Variants in FLRT1 observed in about 807,000 individuals in gnomAD.
FLRT1 encodes the protein leucine-rich repeat transmembrane protein FLRT1.
In FLRT1, 14 loss-of-function variants were observed where a neutral mutation model predicts 30.9. That is an observed-to-expected ratio of 0.45 (90% CI 0.30 to 0.71). The LOEUF (loss-of-function observed/expected upper bound fraction) is 0.71. Ranked by LOEUF, FLRT1 falls within the 30% of genes least tolerant of loss-of-function variation. The pLI is 0.08. For synonymous variants in FLRT1, 368 were observed against 430.4 expected (o/e 0.85, Z 1.80); for missense variants, 737 against 949.2 (o/e 0.78, Z 2.94).
chr11:64,089,956 G>A (rs571440424), intron 1 of FLRT1, among the ~76,000 whole-genome samples: 18 of 152,332 alleles, frequency 1.2e-4, no homozygotes, highest in South Asian at 4.1e-4. Context: ...TGTAAAGTGA[G>A]AGGATTGGAT....
Position 64,118,121 on chromosome 11 carries a change from G to A in FLRT1, c.1854G>A (p.Gly618=), listed in dbSNP as rs375250892. Residue 618 remains glycine, a synonymous_variant, in exon 3 of 3, where the codon GGG becomes GGA. Coordinates refer to ENST00000682287, the MANE Select transcript of FLRT1 (RefSeq NM_013280.5). ...DNSILEIRGP[G]LQMLPINPYR... ...CCATCCTGGAAATCCGCGGCCCTGGGCTGCAGATGCTGCCCATCAACCCGT... is the reference window on the plus strand; with the variant it reads ...CCATCCTGGAAATCCGCGGCCCTGGACTGCAGATGCTGCCCATCAACCCGT... 10 of 1,613,096 alleles carry A rather than the reference G, an allele frequency of 6.2e-6. No individual in the cohort carries two copies. Among genetic ancestry groups the A allele is most frequent in the Non-Finnish European group, 7.6e-6 (9 of 1,179,482 alleles).
chr11:64,045,933 C>T (rs549501118), intron 1 of FLRT1, among the ~76,000 whole-genome samples: 5 of 152,172 alleles, frequency 3.3e-5, no homozygotes, highest in Non-Finnish European at 7.3e-5. Context: ...AAAACAATAA[C>T]AGCAGTGACA....
chr11:64,118,110 C>T lies in FLRT1; in HGVS notation c.1843C>T (p.Arg615Cys), dbSNP rs61735088. The T allele has an allele frequency of 1.3e-3, 2,126 of 1,611,600 alleles. 1 individual carries two copies. Among genetic ancestry groups the T allele is most frequent in the Non-Finnish European group, 1.5e-3 (1,748 of 1,178,206 alleles). Reference protein sequence around the residue: ...TKKDNSILEIRGPGLQMLPIN... With the variant: ...TKKDNSILEICGPGLQMLPIN... ...GAAGGATAACTCCATCCTGGAAATC[C>T]GCGGCCCTGGGCTGCAGATGCTGCC... Residue 615 changes from arginine (R) to cysteine (C), a missense_variant, in exon 3 of 3, where the codon CGC (arginine) becomes TGC (cysteine). Physicochemically the swap from Arg to Cys is radical, Grantham distance 180. Transcript: ENST00000682287.
intron 1 of FLRT1, among the ~76,000 whole-genome samples, chr11:64,087,756 C>T (rs754297963): frequency 9.9e-5 from 15 of 152,258 alleles, no homozygotes; most frequent in Non-Finnish European, 1.6e-4. Context: ...GTACACAGAG[C>T]ACGCTGTGCA....
At chr11:64,072,437 T>A (rs77341066) in intron 1 of FLRT1, among the ~76,000 whole-genome samples, 10,818 of 150,978 alleles carry the variant, frequency 0.072, 456 homozygotes, top group South Asian at 0.19. Flanking sequence ...AAAAAAAAAA[T>A]AATAATTACA....
At position 64,078,061 on chromosome 11, in the gene FLRT1, G is replaced by A. The variant is rs542858360; in HGVS notation, c.-1037-25133G>A. 3.4e-4 allele frequency among the ~76,000 whole-genome samples: 52 copies of A among 152,304 alleles called. 1 individual carries two copies. Among genetic ancestry groups the A allele is most frequent in the African/African-American group, 1.1e-3 (45 of 41,574 alleles). ...GGGCACAGGGAGGTACAGCAGCTCT[G>A]GGAATGGCCTTCCCTTTCACAGTCA... On this transcript the variant is annotated intron_variant, in intron 1 of 2. Coordinates refer to ENST00000682287, the MANE Select transcript of FLRT1 (RefSeq NM_013280.5).
chr11:64,116,595 G>T lies in FLRT1; in HGVS notation c.328G>T (p.Val110Phe), dbSNP rs1331251210. 6.2e-7 allele frequency: 1 copy of T among 1,614,188 alleles called. No individual in the cohort carries two copies. The highest frequency in any genetic ancestry group is 2.2e-5 in the East Asian group (1 of 44,882). Residue 110 changes from valine (V) to phenylalanine (F), a missense_variant, in exon 3 of 3, where the codon GTC (valine) becomes TTC (phenylalanine). Coordinates refer to ENST00000682287, the MANE Select transcript of FLRT1 (RefSeq NM_013280.5). ...QDLKTKVNVQ[V>F]IYLYENDLDE... Reference sequence around the variant, plus strand: ...CCTCAAGACCAAGGTCAACGTGCAGGTCATCTACCTATACGAGAATGACCT... The same window carrying T: ...CCTCAAGACCAAGGTCAACGTGCAGTTCATCTACCTATACGAGAATGACCT...
chr11:64,044,478 G>A (rs368306947), intron 1 of FLRT1, among the ~76,000 whole-genome samples: 1 of 152,038 alleles, frequency 6.6e-6, no homozygotes, highest in Non-Finnish European at 1.5e-5. Context: ...TGAACTCCTG[G>A]CCTCAAGCGA....
In FLRT1 at chr11:64,104,061, G is replaced by T. The variant is rs687581; in HGVS notation, c.-170G>T. The T allele has an allele frequency of 0.49, 75,167 of 152,268 alleles. 20,342 individuals are homozygous for T. The highest frequency in any genetic ancestry group is 0.6 in the Non-Finnish European group (41,014 of 67,994). 9.4% of individuals were successfully genotyped at this position (152,268 alleles called of 1,614,324 possible). ...AGGCCTGGTAGGACCACGGGGCAGG[G>T]AATGTGAGCGCCATCTGAGCTCACG... On this transcript the variant is annotated 5_prime_UTR_variant, in exon 2 of 3. Transcript: ENST00000682287.
intron 1 of FLRT1, among the ~76,000 whole-genome samples, chr11:64,078,127 A>T (rs1473766698): frequency 6.6e-6 from 1 of 151,750 alleles, no homozygotes; most frequent in Non-Finnish European, 1.5e-5. Flanking sequence ...TGCAGGCAGC[A>T]CTCCTTTCCT....
chr11:64,040,974 G>A (rs1449015926), intron 1 of FLRT1, among the ~76,000 whole-genome samples: 1 of 152,032 alleles, frequency 6.6e-6, no homozygotes, highest in African/African-American at 2.4e-5. Flanking sequence ...GGCAGACGGG[G>A]TCTATTGTCT....
At chr11:64,043,878 C>G (rs1026785107) in intron 1 of FLRT1, among the ~76,000 whole-genome samples, 3 of 150,190 alleles carry the variant, frequency 2.0e-5, no homozygotes, top group South Asian at 2.1e-4. Context: ...ATGGTGCAAT[C>G]TGGGCTCACA....
chr11:64,047,552 C>T (rs542265831), intron 1 of FLRT1, among the ~76,000 whole-genome samples: 1 of 152,206 alleles, frequency 6.6e-6, no homozygotes, highest in East Asian at 1.9e-4. Context: ...TTTACAGTGG[C>T]CCAGATGTAC....
chr11:64,049,802 G>A (rs1414249072), intron 1 of FLRT1, among the ~76,000 whole-genome samples: 1 of 152,190 alleles, frequency 6.6e-6, no homozygotes, highest in Admixed American at 6.5e-5. Flanking sequence ...CACAAGTGAA[G>A]TCGTCTCTGC....
Position 64,090,141 on chromosome 11 carries a change from G to A in FLRT1, c.-1037-13053G>A, listed in dbSNP as rs1310500449. Among the ~76,000 whole-genome samples the A allele has an allele frequency of 6.6e-6, 1 of 152,158 alleles. No individual in the cohort carries two copies. Among genetic ancestry groups the A allele is most frequent in the East Asian group, 1.9e-4 (1 of 5,194 alleles). ...TATGCACCCTCTCCCCACGGGGCTA[G>A]GGACTCATCTCTGCCTGTCTTCCCA... On this transcript the variant is annotated intron_variant, in intron 1 of 2. Transcript: ENST00000682287. This position sits in a 1 kb window ranked among gnomAD's most constrained non-coding sequence, Gnocchi z 4.7.
chr11:64,086,388 G>C (rs943187314), intron 1 of FLRT1, among the ~76,000 whole-genome samples: 1 of 151,934 alleles, frequency 6.6e-6, no homozygotes, highest in Admixed American at 6.6e-5. Flanking sequence ...GACTACCCCC[G>C]AGCTCAGAGG....
intron 1 of FLRT1, among the ~76,000 whole-genome samples, chr11:64,041,333 T>C (rs1447116188): frequency 6.6e-6 from 1 of 150,842 alleles, no homozygotes; most frequent in African/African-American, 2.4e-5. Flanking sequence ...CCATTCCTGC[T>C]GCCCCCCACC....
At chr11:64,086,089 C>T (rs536558683) in intron 1 of FLRT1, among the ~76,000 whole-genome samples, 21 of 152,262 alleles carry the variant, frequency 1.4e-4, no homozygotes, top group East Asian at 3.9e-4. Flanking sequence ...TGAGCTGAGT[C>T]GGCTGGGCCA....
At chr11:64,057,078 G>C (rs528834791) in intron 1 of FLRT1, among the ~76,000 whole-genome samples, 19 of 152,336 alleles carry the variant, frequency 1.2e-4, no homozygotes. Context: ...AGCCTGCGTC[G>C]CACCAGCTCT....
Sources: allele counts gnomAD v4.1 joint callset (sites outside exome capture counted in the v4.1 genomes callset), GRCh38; gene constraint gnomAD v4.1.1; non-coding constraint Gnocchi (gnomAD v3.1); transcripts MANE v1.5; gene names NCBI Gene and HGNC (gene_info 2026-07-23, HGNC 2026-07-21).